Variants in EFCAB5 observed in about 807,000 individuals in gnomAD.
EFCAB5 encodes EF-hand calcium-binding domain-containing protein 5.
EFCAB5 carries 131 observed loss-of-function variants against 167.9 expected under a neutral mutation model. That is an observed-to-expected ratio of 0.78 (90% confidence interval 0.68 to 0.90). The LOEUF is 0.90. Among genes scored for constraint, EFCAB5 ranks in the 40% least tolerant of loss-of-function variants. The pLI, the probability that EFCAB5 is intolerant of heterozygous loss-of-function variation, is 0.00. For synonymous variants in EFCAB5, 574 were observed against 602.8 expected, an observed-to-expected ratio of 0.95 and a Z score of 0.70; for missense variants, 1,663 against 1,745.2, an observed-to-expected ratio of 0.95 and a Z score of 0.84.
At chr17:30,073,263 C>T in intron 14 of EFCAB5, 1 of 605,856 alleles carries the variant, frequency 1.7e-6, no homozygotes, top group Non-Finnish European at 3.0e-6. Flanking sequence ...CTCTGTGTTG[C>T]CCATGCTGGT....
intron 7 of EFCAB5, among the ~76,000 whole-genome samples, chr17:30,002,984 T>C (rs1416992877): frequency 1.3e-5 from 2 of 152,126 alleles, no homozygotes. Flanking sequence ...CTTGTTGGTT[T>C]GTATTTAGTG....
chr17:29,942,197 A>C, intron 1 of EFCAB5, 43 bp from the exon 2 acceptor site: 1 of 1,514,960 alleles, frequency 6.6e-7, no homozygotes, highest in Non-Finnish European at 8.9e-7. Flanking sequence ...TTTAATCCAC[A>C]GCTCTTTTTG....
chr17:29,971,559 T>G (rs1015799441), intron 4 of EFCAB5, among the ~76,000 whole-genome samples: 2 of 152,206 alleles, frequency 1.3e-5, no homozygotes, highest in Admixed American at 6.5e-5. Context: ...AATTTCTACC[T>G]TTCAGAGTGA....
At chr17:30,060,514 T>G (rs1055344198) in intron 14 of EFCAB5, among the ~76,000 whole-genome samples, 5 of 152,236 alleles carry the variant, frequency 3.3e-5, no homozygotes, top group African/African-American at 1.2e-4. Flanking sequence ...TAAAGATTTA[T>G]CTGGTTAACT....
In EFCAB5 at chr17:30,080,886, G is replaced by T. The variant is rs1862961248; in HGVS notation, c.3331G>T (p.Ala1111Ser). ...GSFLALPLQD[A>S]YMRIFGVLAV... ...ATTCCTGGCTCTGCCTCTTCAAGATGCATATATGAGGATCTTTGGGGTCTT... is the reference window on the plus strand; with the variant it reads ...ATTCCTGGCTCTGCCTCTTCAAGATTCATATATGAGGATCTTTGGGGTCTT... Residue 1111 changes from alanine to serine, a missense_variant, in exon 17 of 23, where the codon GCA becomes TCA. Ala to Ser is a moderately conservative substitution (Grantham distance 99). Coordinates refer to ENST00000394835, the MANE Select transcript of EFCAB5 (RefSeq NM_198529.4). 6.2e-7 allele frequency: 1 copy of T among 1,613,722 alleles called. No individual in the cohort carries two copies. Among genetic ancestry groups the T allele is most frequent in the South Asian group, 1.1e-5 (1 of 91,084 alleles).
chr17:30,057,578 C>A, intron 12 of EFCAB5, 98 bp from the exon 13 acceptor site: 3 of 1,022,830 alleles, frequency 2.9e-6, no homozygotes, highest in Non-Finnish European at 4.3e-6. Context: ...TCCTGACAGT[C>A]AAAAATGGCA....
chr17:30,085,509 A>G (rs2071069675), intron 18 of EFCAB5, among the ~76,000 whole-genome samples: 1 of 152,170 alleles, frequency 6.6e-6, no homozygotes, highest in South Asian at 2.1e-4. Flanking sequence ...TCACGAGGTC[A>G]GGAGATCGAG....
chr17:30,099,739 TGG>T (rs1002580843), intron 22 of EFCAB5, among the ~76,000 whole-genome samples: 23 of 152,230 alleles, frequency 1.5e-4, no homozygotes, highest in Non-Finnish European at 3.2e-4. Flanking sequence ...AGGAGGTGGG[TGG>T]GGGCCAAAAT....
chr17:30,055,167 T>C (rs1022900337), intron 10 of EFCAB5, among the ~76,000 whole-genome samples: 3 of 152,100 alleles, frequency 2.0e-5, no homozygotes, highest in Non-Finnish European at 2.9e-5. Flanking sequence ...TGGCATGCAA[T>C]TGTAGTCTCG....
At chr17:30,035,084 C>T (rs576209588) in intron 8 of EFCAB5, among the ~76,000 whole-genome samples, 6 of 152,186 alleles carry the variant, frequency 3.9e-5, no homozygotes, top group South Asian at 2.1e-4. Context: ...TTAAAAGAAC[C>T]GATATATTGC....
At chr17:30,048,435 T>C (rs1373834599) in intron 8 of EFCAB5, among the ~76,000 whole-genome samples, 2 of 151,732 alleles carry the variant, frequency 1.3e-5, no homozygotes, top group Non-Finnish European at 2.9e-5. Flanking sequence ...GAAGTAATCC[T>C]ATCATATTCT....
intron 14 of EFCAB5, among the ~76,000 whole-genome samples, chr17:30,064,651 TC>T (rs1567753270): frequency 6.6e-6 from 1 of 152,132 alleles, no homozygotes; most frequent in East Asian, 1.9e-4. Flanking sequence ...TATATGGACG[TC>T]CAGATCCAGG....
intron 7 of EFCAB5, among the ~76,000 whole-genome samples, chr17:30,003,986 G>A (rs2068722352): frequency 6.6e-6 from 1 of 152,184 alleles, no homozygotes; most frequent in Non-Finnish European, 1.5e-5. Context: ...ACACATTGAA[G>A]GGTGAAGATG....
chr17:29,978,411 A>C (rs1455760180), intron 4 of EFCAB5, among the ~76,000 whole-genome samples: 1 of 152,238 alleles, frequency 6.6e-6, no homozygotes, highest in African/African-American at 2.4e-5. Context: ...ATGATAATTT[A>C]TGTACACTGA....
intron 7 of EFCAB5, among the ~76,000 whole-genome samples, chr17:30,027,336 GAAT>G (rs1264680690): frequency 8.5e-6 from 1 of 118,292 alleles, no homozygotes; most frequent in Admixed American, 1.0e-4. Flanking sequence ...TTTTAGCTCA[GAAT>G]AATTCTTATG....
At chr17:29,930,536 A>T (rs1394540381) in intron 1 of EFCAB5, among the ~76,000 whole-genome samples, 1 of 152,016 alleles carries the variant, frequency 6.6e-6, no homozygotes, top group Non-Finnish European at 1.5e-5. Flanking sequence ...GCACAGCTTA[A>T]CCAACCTTAA....
intron 4 of EFCAB5, among the ~76,000 whole-genome samples, chr17:29,982,166 G>A (rs1409596797): frequency 6.6e-6 from 1 of 152,192 alleles, no homozygotes; most frequent in Non-Finnish European, 1.5e-5. Context: ...GGGCACGGTG[G>A]CTCATGCCTG....
At chr17:30,050,923 C>A (rs1308281209) in intron 8 of EFCAB5, among the ~76,000 whole-genome samples, 195 bp from the exon 9 acceptor site, 1 of 152,146 alleles carries the variant, frequency 6.6e-6, no homozygotes, top group Non-Finnish European at 1.5e-5. Flanking sequence ...TTTGACACGT[C>A]ACAGAATGGG....
At chr17:30,019,659 C>T (rs899797522) in intron 7 of EFCAB5, among the ~76,000 whole-genome samples, 4 of 151,712 alleles carry the variant, frequency 2.6e-5, no homozygotes, top group African/African-American at 4.8e-5. Context: ...TTGGCCAGGC[C>T]GGTCTTGAAC....
Sources: gnomAD v4.1 joint callset for allele counts (sites outside exome capture counted in the v4.1 genomes callset) on GRCh38, gnomAD v4.1.1 for gene constraint, MANE v1.5 for transcripts, NCBI Gene and HGNC (gene_info 2026-07-23, HGNC 2026-07-21) for gene names.